Variants in ESPNL observed in about 807,000 individuals in gnomAD.
ESPNL encodes the protein espin-like protein.
A neutral mutation model predicts 46.8 loss-of-function variants in ESPNL; 49 were observed. The ratio of observed to expected loss-of-function variants is 1.05; its 90% CI spans 0.83 to 1.33. The LOEUF (loss-of-function observed/expected upper bound fraction) is 1.33. Ranked by LOEUF, ESPNL falls within the 40% of genes most tolerant of loss-of-function variation. The pLI is 0.00. For synonymous variants in ESPNL, 664 were observed against 662.1 expected, an observed-to-expected ratio of 1.00 and a Z score of -0.04; for missense variants, 1,540 against 1,436.6, an observed-to-expected ratio of 1.07 and a Z score of -1.16.
rs568124270 is a variant in ESPNL, at chr2:238,132,418, C to G, written c.*686C>G. 4 of 151,378 alleles carry G rather than the reference C, an allele frequency of 2.6e-5. No individual in the cohort carries two copies. Among genetic ancestry groups the G allele is most frequent in the African/African-American group, 9.7e-5 (4 of 41,394 alleles). The allele number at this position is 151,378 out of a possible 1,614,324, so 9.4% of individuals were successfully genotyped here. A position where few individuals can be genotyped will look rare whatever the true frequency, so the allele number is the denominator to read the frequency against. On this transcript the variant is annotated 3_prime_UTR_variant, in exon 9 of 9. Transcript: ENST00000343063. ...ACCAGCCCTGGCCTAGTCGTGGGCC[C>G]CAGCAAGGCTGGAGAGCAGGGACGT...
At chr2:238,101,852 T>C (rs1691485392) in intron 1 of ESPNL, 89 bp from the exon 2 acceptor site, 1 of 936,088 alleles carries the variant, frequency 1.1e-6, no homozygotes, top group South Asian at 1.5e-5. Context: ...TTGCAGGCAG[T>C]GTGAGCCCTC....
chr2:238,102,091 G>C lies in ESPNL; in HGVS notation c.445G>C (p.Asp149His). Residue 149 changes from aspartate to histidine, a missense_variant, in exon 2 of 9, where the codon GAC (aspartate) becomes CAC (histidine). Transcript: ENST00000343063. ...GCTGCACCACGCTGCCGTCAGTGGG[G>C]ACCTGACCTGCCTCAAGCTCCTGAC... is the stretch of plus-strand genomic sequence containing the variant. The part of the protein sequence containing the change: ...RPLHHAAVSG[D>H]LTCLKLLTAA... 1 of 1,572,394 alleles carries C rather than the reference G, an allele frequency of 6.4e-7. No individual in the cohort carries two copies. The highest frequency in any genetic ancestry group is 8.6e-7 in the Non-Finnish European group (1 of 1,160,846).
intron 3 of ESPNL, among the ~76,000 whole-genome samples, chr2:238,105,820 G>A (rs1360576757): frequency 1.3e-5 from 2 of 152,180 alleles, no homozygotes; most frequent in Non-Finnish European, 2.9e-5. Flanking sequence ...GGCTGCTGAT[G>A]GAGAAGTGAG....
intron 2 of ESPNL, 53 bp from the exon 3 acceptor site, chr2:238,104,603 A>T: frequency 6.7e-7 from 1 of 1,483,144 alleles, no homozygotes; most frequent in Middle Eastern, 2.6e-4. Context: ...CAGCCGAGGG[A>T]TGGGCTCAGC....
chr2:238,101,332 C>T (rs552067232), intron 1 of ESPNL, among the ~76,000 whole-genome samples: 4 of 152,266 alleles, frequency 2.6e-5, no homozygotes, highest in East Asian at 1.9e-4. Flanking sequence ...GCTTAGACTG[C>T]GGAGCGGGAA....
Position 238,130,377 on chromosome 2 carries a change from C to G in ESPNL, c.1663C>G (p.Leu555Val). ...CAGCATCACGGTCAACAGCCACTTC[C>G]TGCCCCGGGCGCCCGGACTGGAGGT... ...LVSITVNSHFLPRAPGLEVEE... is the reference protein window; with the variant it reads ...LVSITVNSHFVPRAPGLEVEE... Residue 555 changes from leucine (L) to valine (V), a missense_variant, in exon 9 of 9, where the codon CTG becomes GTG. Transcript: ENST00000343063. 1 of 1,611,072 alleles carries G rather than the reference C, an allele frequency of 6.2e-7. No homozygotes were observed. The highest frequency in any genetic ancestry group is 8.5e-7 in the Non-Finnish European group (1 of 1,179,304).
intron 6 of ESPNL, 70 bp downstream of exon 6, chr2:238,125,454 C>T (rs1223279208): frequency 1.2e-5 from 11 of 947,864 alleles, no homozygotes; most frequent in Non-Finnish European, 1.6e-5. Context: ...GCCTCCCCTC[C>T]GAGGTCCTGG....
At chr2:238,106,393 AG>A (rs2106465441) in intron 3 of ESPNL, among the ~76,000 whole-genome samples, 1 of 152,202 alleles carries the variant, frequency 6.6e-6, no homozygotes, top group Admixed American at 6.5e-5. Flanking sequence ...CAAGATCCTC[AG>A]GCTGCTGCCT....
intron 4 of ESPNL, among the ~76,000 whole-genome samples, chr2:238,108,845 C>A (rs1049781061): frequency 6.6e-6 from 1 of 152,200 alleles, no homozygotes; most frequent in African/African-American, 2.4e-5. Flanking sequence ...GCCATTGAAA[C>A]AATCACACAC....
At chr2:238,127,027 GTGTC>G (rs1360025247) in intron 6 of ESPNL, among the ~76,000 whole-genome samples, 2 of 148,838 alleles carry the variant, frequency 1.3e-5, no homozygotes, top group Admixed American at 6.7e-5. Flanking sequence ...TTGTGTTTGT[GTGTC>G]TGTTCTGTGT....
intron 1 of ESPNL, 51 bp downstream of exon 1, chr2:238,100,764 C>T (rs759294979): frequency 3.6e-6 from 5 of 1,379,146 alleles, no homozygotes; most frequent in Non-Finnish European, 4.7e-6. Context: ...GGGGTGGAAC[C>T]AGGGAGGTGT....
At chr2:238,104,940 G>A (rs1158901782) in intron 3 of ESPNL, 98 bp downstream of exon 3, 1 of 1,076,854 alleles carries the variant, frequency 9.3e-7, no homozygotes, top group Non-Finnish European at 1.3e-6. Flanking sequence ...GAGGGAACTG[G>A]GGACACGCAG....
At chr2:238,127,838 C>G in intron 7 of ESPNL, 104 bp downstream of exon 7, 1 of 845,264 alleles carries the variant, frequency 1.2e-6, no homozygotes, top group Non-Finnish European at 1.8e-6. Flanking sequence ...CCAGGCCTTT[C>G]CTGAAGGGTG....
chr2:238,117,175 C>A, intron 5 of ESPNL, 141 bp downstream of exon 5: 1 of 1,224,806 alleles, frequency 8.2e-7, no homozygotes, highest in East Asian at 2.6e-5. Flanking sequence ...GAGCCAGGAG[C>A]AAGGGCCTGG....
intron 4 of ESPNL, among the ~76,000 whole-genome samples, chr2:238,111,282 G>T (rs1163442635): frequency 6.6e-6 from 1 of 152,108 alleles, no homozygotes; most frequent in East Asian, 1.9e-4. Flanking sequence ...TTGTTAAATT[G>T]TGATTAAAAA....
chr2:238,107,642 A>C, intron 3 of ESPNL, 149 bp from the exon 4 acceptor site: 1 of 799,330 alleles, frequency 1.3e-6, no homozygotes, highest in Non-Finnish European at 1.9e-6. Context: ...GCACGTGCTC[A>C]GCCAGCCCTG....
rs746802820 is a variant in ESPNL, at chr2:238,130,263, C to G, written c.1549C>G (p.Leu517Val). The change falls in exon 9 of 9, where the codon CTG becomes GTG. Residue 517 changes from leucine to valine, a missense_variant. Coordinates refer to ENST00000343063, the MANE Select transcript of ESPNL (RefSeq NM_194312.4). ...CTACCTGGAGAAGCAGATTGCAGAC[C>G]TGCAGCTTCGGCGCCGCTGTCAGGA... ...LVYLEKQIADLQLRRRCQEYE... is the reference protein window; with the variant it reads ...LVYLEKQIADVQLRRRCQEYE... The G allele has an allele frequency of 7.5e-6, 12 of 1,609,502 alleles. No individual in the cohort carries two copies. Among genetic ancestry groups the G allele is most frequent in the African/African-American group, 1.3e-5 (1 of 74,864 alleles).
intron 4 of ESPNL, among the ~76,000 whole-genome samples, chr2:238,110,907 CT>C (rs1251963119): frequency 6.8e-6 from 1 of 148,108 alleles, no homozygotes; most frequent in Non-Finnish European, 1.5e-5. Flanking sequence ...ATGATGGTTA[CT>C]TTTAATAGGT....
At chr2:238,120,953 G>A (rs1305556307) in intron 5 of ESPNL, among the ~76,000 whole-genome samples, 1 of 152,214 alleles carries the variant, frequency 6.6e-6, no homozygotes, top group Non-Finnish European at 1.5e-5. Flanking sequence ...CAGGGGACTC[G>A]TGCATTCCAA....
Sources: gnomAD v4.1 joint callset for allele counts (sites outside exome capture counted in the v4.1 genomes callset) on GRCh38, gnomAD v4.1.1 for gene constraint, MANE v1.5 for transcripts, NCBI Gene and HGNC (gene_info 2026-07-23, HGNC 2026-07-21) for gene names.